Variants in GRID1 observed in about 807,000 individuals in gnomAD.
GRID1 encodes glutamate receptor ionotropic, delta-1.
Under a neutral mutation model 98.0 loss-of-function variants are expected in GRID1, and 28 were observed. That is an observed-to-expected ratio of 0.29 (90% CI 0.21 to 0.39). The LOEUF is 0.39. Ranked by LOEUF, GRID1 falls within the 10% of genes least tolerant of loss-of-function variation. The probability of loss-of-function intolerance (pLI) is 1.00; values close to 1 mark genes in which losing one functional copy is unlikely to be tolerated. For synonymous variants in GRID1, 553 were observed against 538.5 expected (o/e 1.03, Z -0.37); for missense variants, 1,111 against 1,340.5 (o/e 0.83, Z 2.67).
intron 4 of GRID1, among the ~76,000 whole-genome samples, chr10:86,048,560 T>C (rs1843456551): frequency 6.6e-6 from 1 of 152,142 alleles, no homozygotes; most frequent in Non-Finnish European, 1.5e-5. Context: ...AGATCCAGGC[T>C]AGGGGCCTGG....
chr10:85,619,033 G>C (rs1387204721), intron 14 of GRID1, among the ~76,000 whole-genome samples: 1 of 152,194 alleles, frequency 6.6e-6, no homozygotes, highest in African/African-American at 2.4e-5. Context: ...CCTCATTTTG[G>C]ATTTGGGTGG....
intron 4 of GRID1, among the ~76,000 whole-genome samples, chr10:85,969,908 G>T (rs1842385096): frequency 6.6e-6 from 1 of 151,466 alleles, no homozygotes; most frequent in African/African-American, 2.4e-5. Context: ...GCAAAGAGTT[G>T]ATTTTTTTCA....
At chr10:85,750,999 G>C (rs1453110182) in intron 8 of GRID1, among the ~76,000 whole-genome samples, 1 of 152,184 alleles carries the variant, frequency 6.6e-6, no homozygotes, top group Non-Finnish European at 1.5e-5. Flanking sequence ...TAGGAATCTT[G>C]TAACAGTTGA....
intron 4 of GRID1, among the ~76,000 whole-genome samples, chr10:86,042,513 A>T (rs894639544): frequency 4.6e-5 from 7 of 152,204 alleles, no homozygotes; most frequent in African/African-American, 1.7e-4. Flanking sequence ...GTGGGCATCA[A>T]CTGGAAGCTC....
intron 8 of GRID1, among the ~76,000 whole-genome samples, chr10:85,831,436 A>G (rs936187218): frequency 4.6e-5 from 7 of 150,736 alleles, no homozygotes; most frequent in African/African-American, 1.7e-4. Context: ...AAGCTAAAAT[A>G]AGTTTTATAA....
At chr10:86,336,472 A>T (rs1848222632) in intron 2 of GRID1, among the ~76,000 whole-genome samples, 1 of 152,186 alleles carries the variant, frequency 6.6e-6, no homozygotes, top group South Asian at 2.1e-4. Flanking sequence ...CTAGAGCCCA[A>T]GCAGGCAGCT....
intron 8 of GRID1, among the ~76,000 whole-genome samples, chr10:85,813,122 C>G (rs1842687386): frequency 6.6e-6 from 1 of 151,470 alleles, no homozygotes; most frequent in Non-Finnish European, 1.5e-5. Context: ...AATTGATGTG[C>G]CATTGGAGCC....
intron 8 of GRID1, among the ~76,000 whole-genome samples, chr10:85,769,301 T>A (rs1233264875): frequency 1.3e-5 from 2 of 152,182 alleles, no homozygotes; most frequent in Non-Finnish European, 2.9e-5. Context: ...AAGTGGGAGA[T>A]AAATGTGGGG....
intron 4 of GRID1, among the ~76,000 whole-genome samples, chr10:86,025,119 C>T (rs1589341189): frequency 6.6e-6 from 1 of 152,318 alleles, no homozygotes; most frequent in Non-Finnish European, 1.5e-5. Flanking sequence ...TGCGAGAAAG[C>T]AGCCCTGATG....
rs77103916 is a variant in GRID1 at position 86,096,460 on chromosome 10, A to G, written c.726+42359T>C. On this transcript the variant is annotated intron_variant, in intron 4 of 15. Coordinates refer to ENST00000327946, the MANE Select transcript of GRID1 (RefSeq NM_017551.3). ...CAATCTTGCTCAACCAGTTAATTAT[A>G]CTGGACCACTTCCATCAGAGAAGTG... is the stretch of plus-strand genomic sequence containing the variant. 4.8e-3 allele frequency among the ~76,000 whole-genome samples: 728 copies of G among 152,338 alleles called. 6 individuals are homozygous for G. The highest frequency in any genetic ancestry group is 0.017 in the African/African-American group (702 of 41,584).
intron 2 of GRID1, among the ~76,000 whole-genome samples, chr10:86,229,649 G>T (rs904841539): frequency 9.2e-5 from 14 of 152,106 alleles, no homozygotes; most frequent in Non-Finnish European, 2.1e-4. Context: ...TTCTTAAGCA[G>T]GTTTGTCATA....
chr10:86,032,829 T>TAAAAAAAA (rs58350170), intron 4 of GRID1, among the ~76,000 whole-genome samples: 1 of 109,884 alleles, frequency 9.1e-6, no homozygotes. Context: ...AATAAATACT[T>TAAAAAAAA]AAAAAAAAAA....
At chr10:86,048,219 C>T (rs901383236) in intron 4 of GRID1, among the ~76,000 whole-genome samples, 4 of 152,126 alleles carry the variant, frequency 2.6e-5, no homozygotes, top group Admixed American at 6.5e-5. Context: ...CATAGGCATA[C>T]GAAGCAGAGT....
intron 12 of GRID1, among the ~76,000 whole-genome samples, chr10:85,692,127 A>C (rs1480627119): frequency 2.0e-5 from 3 of 151,884 alleles, no homozygotes; most frequent in Admixed American, 1.3e-4. Context: ...GTATGTTTTC[A>C]TTATTATTTA....
chr10:85,612,258 G>C (rs922146404), intron 15 of GRID1, among the ~76,000 whole-genome samples: 6 of 152,126 alleles, frequency 3.9e-5, no homozygotes, highest in African/African-American at 1.2e-4. Context: ...ACACATGGTG[G>C]ACCCAGCCTT....
chr10:85,852,582 G>C (rs527657007), intron 8 of GRID1, among the ~76,000 whole-genome samples: 110 of 152,352 alleles, frequency 7.2e-4, no homozygotes, highest in African/African-American at 2.6e-3. Context: ...TTCAAAATAA[G>C]ACTTGGGGAT....
intron 3 of GRID1, among the ~76,000 whole-genome samples, chr10:86,196,566 T>C (rs1370156690): frequency 1.3e-5 from 2 of 152,056 alleles, no homozygotes; most frequent in Non-Finnish European, 2.9e-5. Flanking sequence ...GAGAACTAAG[T>C]CTTCCAACAC....
At chr10:85,939,278 T>G (rs1057102090) in intron 4 of GRID1, among the ~76,000 whole-genome samples, 1 of 152,250 alleles carries the variant, frequency 6.6e-6, no homozygotes, top group African/African-American at 2.4e-5. Context: ...GATTGCTTTC[T>G]TATTAGCTTA....
chr10:86,266,774 T>C (rs886159992), intron 2 of GRID1, among the ~76,000 whole-genome samples: 1 of 152,360 alleles, frequency 6.6e-6, no homozygotes, highest in African/African-American at 2.4e-5. Context: ...CCCTGAACCC[T>C]GGGATTCACA....
Sources: gnomAD v4.1 joint callset for allele counts (sites outside exome capture counted in the v4.1 genomes callset) on GRCh38, gnomAD v4.1.1 for gene constraint, MANE v1.5 for transcripts, NCBI Gene and HGNC (gene_info 2026-07-23, HGNC 2026-07-21) for gene names.